CNTNAP5: variants seen among roughly 807,000 people sequenced by gnomAD.
The protein encoded by CNTNAP5 is contactin-associated protein-like 5.
A neutral mutation model predicts 150.2 loss-of-function variants in CNTNAP5; 72 were observed. The ratio of observed to expected loss-of-function variants is 0.48; its 90% CI spans 0.40 to 0.58. The LOEUF (loss-of-function observed/expected upper bound fraction) is 0.58. Ranked by LOEUF, CNTNAP5 falls within the 20% of genes least tolerant of loss-of-function variation. CNTNAP5 has a pLI of 0.00. For missense variants in CNTNAP5, 1,636 were observed against 1,626.2 expected (o/e 1.01, Z -0.10); for synonymous variants, 672 against 619.8 (o/e 1.08, Z -1.25).
chr2:124,188,590 G>A (rs1055835593), intron 1 of CNTNAP5, among the ~76,000 whole-genome samples: 4 of 151,646 alleles, frequency 2.6e-5, no homozygotes, highest in East Asian at 2.0e-4. Context: ...GTGGTGGCGG[G>A]CGCCTGTAGT....
chr2:124,812,740 T>A (rs1164807900), intron 19 of CNTNAP5, among the ~76,000 whole-genome samples: 1 of 152,150 alleles, frequency 6.6e-6, no homozygotes, highest in East Asian at 1.9e-4. Flanking sequence ...CTTGCCTTTC[T>A]GGACCAAACC....
intron 13 of CNTNAP5, among the ~76,000 whole-genome samples, chr2:124,685,764 G>GCGCGCA (rs1303321487): frequency 2.5e-3 from 247 of 98,534 alleles, no homozygotes; most frequent in African/African-American, 0.01. Flanking sequence ...GTGTGTGTGC[G>GCGCGCA]CGCGCGTGTT....
At chr2:124,827,724 C>G (rs1214720433) in intron 19 of CNTNAP5, among the ~76,000 whole-genome samples, 1 of 152,132 alleles carries the variant, frequency 6.6e-6, no homozygotes, top group African/African-American at 2.4e-5. Flanking sequence ...TAATTACCAA[C>G]TAAATATGAT....
intron 11 of CNTNAP5, among the ~76,000 whole-genome samples, chr2:124,601,421 C>G (rs577328930): frequency 9.9e-5 from 15 of 152,252 alleles, no homozygotes; most frequent in African/African-American, 3.4e-4. Flanking sequence ...CATTTGTTTA[C>G]AAATACCAAG....
intron 21 of CNTNAP5, among the ~76,000 whole-genome samples, chr2:124,899,075 A>G (rs1296026592): frequency 1.3e-5 from 2 of 151,478 alleles, no homozygotes; most frequent in East Asian, 3.9e-4. Context: ...GTGATCCGCC[A>G]TGTCACGTTA....
chr2:124,660,190 G>T (rs796896074), intron 13 of CNTNAP5, among the ~76,000 whole-genome samples: 13 of 152,260 alleles, frequency 8.5e-5, no homozygotes, highest in African/African-American at 3.1e-4. Flanking sequence ...CATTTGAACT[G>T]GAGAAGGTTA....
chr2:124,571,290 C>G (rs1201633654), intron 11 of CNTNAP5, among the ~76,000 whole-genome samples: 1 of 151,988 alleles, frequency 6.6e-6, no homozygotes, highest in Admixed American at 6.6e-5. Flanking sequence ...GTTGCTGAAG[C>G]CTTTTGAGTA....
intron 11 of CNTNAP5, among the ~76,000 whole-genome samples, chr2:124,594,578 C>G (rs1396029176): frequency 2.8e-5 from 4 of 140,386 alleles, no homozygotes; most frequent in Non-Finnish European, 6.2e-5. Flanking sequence ...TGTGATGCCT[C>G]CAGCTTTGTT....
chr2:124,274,506 G>A (rs185156142), intron 3 of CNTNAP5, among the ~76,000 whole-genome samples: 19 of 149,718 alleles, frequency 1.3e-4, no homozygotes, highest in East Asian at 7.9e-4. Context: ...TTTTTTTTCC[G>A]CTGGCCAGGG....
At chr2:124,799,371 G>C (rs1034063694) in intron 19 of CNTNAP5, among the ~76,000 whole-genome samples, 1 of 152,202 alleles carries the variant, frequency 6.6e-6, no homozygotes, top group African/African-American at 2.4e-5. Context: ...GACTATTCTT[G>C]ATATAGTCAT....
chr2:124,702,645 T>C (rs1573557576), intron 13 of CNTNAP5, among the ~76,000 whole-genome samples: 2 of 152,166 alleles, frequency 1.3e-5, no homozygotes, highest in Admixed American at 1.3e-4. Flanking sequence ...CAGAAGGGGC[T>C]GGAGAATTGC....
At chr2:124,905,253 A>G (rs1678511781) in intron 22 of CNTNAP5, among the ~76,000 whole-genome samples, 1 of 151,824 alleles carries the variant, frequency 6.6e-6, no homozygotes, top group African/African-American at 2.4e-5. Flanking sequence ...AGCTGATAAT[A>G]TGATGGTTAG....
At chr2:124,418,682 C>G (rs1235422069) in intron 4 of CNTNAP5, among the ~76,000 whole-genome samples, 5 of 152,100 alleles carry the variant, frequency 3.3e-5, no homozygotes, top group Non-Finnish European at 7.3e-5. Flanking sequence ...ATCAACAAAC[C>G]ATTAGGCCCA....
chr2:124,074,801 CATT>C (rs1359908578), intron 1 of CNTNAP5, among the ~76,000 whole-genome samples: 1 of 152,136 alleles, frequency 6.6e-6, no homozygotes, highest in African/African-American at 2.4e-5. Flanking sequence ...TCATCATCAT[CATT>C]ATCATCATCA....
intron 22 of CNTNAP5, among the ~76,000 whole-genome samples, chr2:124,906,014 G>A (rs1241131483): frequency 1.3e-5 from 2 of 152,134 alleles, no homozygotes; most frequent in South Asian, 2.1e-4. Context: ...CCTATTGTTT[G>A]CTATCTCTAG....
chr2:124,029,443 T>A (rs944270443), intron 1 of CNTNAP5, among the ~76,000 whole-genome samples: 2 of 152,050 alleles, frequency 1.3e-5, no homozygotes, highest in African/African-American at 2.4e-5. Flanking sequence ...ACAGTACCTA[T>A]GAGCTCTTTT....
At chr2:124,841,061 G>A (rs1482132742) in intron 19 of CNTNAP5, among the ~76,000 whole-genome samples, 1 of 152,014 alleles carries the variant, frequency 6.6e-6, no homozygotes, top group African/African-American at 2.4e-5. Flanking sequence ...AATGCAGTGT[G>A]GCTCAGCTTC....
intron 10 of CNTNAP5, among the ~76,000 whole-genome samples, chr2:124,543,554 G>A (rs1165820547): frequency 1.3e-5 from 2 of 152,160 alleles, no homozygotes; most frequent in African/African-American, 4.8e-5. Flanking sequence ...TGATGTGTCT[G>A]TAACCATGTC....
intron 11 of CNTNAP5, among the ~76,000 whole-genome samples, chr2:124,573,732 A>G (rs985307086): frequency 2.0e-5 from 3 of 152,196 alleles, no homozygotes; most frequent in South Asian, 2.1e-4. Context: ...AAAAAATTCA[A>G]TATATGAAGA....
Sources: allele counts gnomAD v4.1 joint callset (sites outside exome capture counted in the v4.1 genomes callset), GRCh38; gene constraint gnomAD v4.1.1; transcripts MANE v1.5; gene names NCBI Gene and HGNC (gene_info 2026-07-23, HGNC 2026-07-21).